The following RNF130 variants were observed in gnomAD, a reference collection of about 807,000 sequenced individuals.
RNF130 encodes E3 ubiquitin-protein ligase RNF130.
A neutral mutation model predicts 44.6 loss-of-function variants in RNF130; 21 were observed. The observed-to-expected ratio is 0.47, with a 90% CI of 0.33 to 0.68. The LOEUF is 0.68. RNF130 is among the 30% of genes least tolerant of loss of function. The pLI is 0.02. For synonymous variants in RNF130, 214 were observed against 210.4 expected, an observed-to-expected ratio of 1.02 and a Z score of -0.15; for missense variants, 479 against 560.6, an observed-to-expected ratio of 0.85 and a Z score of 1.47.
chr5:179,988,205 T>C (rs1159443703), intron 3 of RNF130, among the ~76,000 whole-genome samples: 1 of 152,242 alleles, frequency 6.6e-6, no homozygotes, highest in Non-Finnish European at 1.5e-5. Context: ...CCATTTTCTC[T>C]AGGTTTTCCA....
chr5:179,980,674 G>C (rs896951100), intron 3 of RNF130, among the ~76,000 whole-genome samples: 1 of 152,220 alleles, frequency 6.6e-6, no homozygotes, highest in East Asian at 1.9e-4. Context: ...GCATCATCAA[G>C]TGTGAAGAGA....
At chr5:180,018,962 C>T (rs995192269) in intron 2 of RNF130, among the ~76,000 whole-genome samples, 3 of 152,216 alleles carry the variant, frequency 2.0e-5, no homozygotes, top group African/African-American at 7.2e-5. Flanking sequence ...AGGCACCAGG[C>T]TGCAAGAGGA....
intron 3 of RNF130, among the ~76,000 whole-genome samples, chr5:179,986,234 G>T (rs1762948982): frequency 6.6e-6 from 1 of 152,192 alleles, no homozygotes; most frequent in Non-Finnish European, 1.5e-5. Flanking sequence ...TTCATGAATA[G>T]ATTTTTCTGT....
At chr5:179,921,572 TG>T (rs1403983109) in intron 7 of RNF130, among the ~76,000 whole-genome samples, 1 of 152,064 alleles carries the variant, frequency 6.6e-6, no homozygotes, top group Non-Finnish European at 1.5e-5. Flanking sequence ...CCAAGGCGGG[TG>T]GATCATTTGA....
intron 2 of RNF130, among the ~76,000 whole-genome samples, chr5:180,026,761 A>C (rs982777884): frequency 2.0e-5 from 3 of 152,374 alleles, no homozygotes; most frequent in Non-Finnish European, 2.9e-5. Context: ...CTTAACAACC[A>C]AACTAAATAA....
intron 2 of RNF130, among the ~76,000 whole-genome samples, chr5:180,027,827 G>C (rs1010141762): frequency 1.4e-4 from 21 of 152,318 alleles, no homozygotes; most frequent in African/African-American, 5.1e-4. Context: ...CTAGCTGCTT[G>C]AGACAGCTGC....
intron 6 of RNF130, among the ~76,000 whole-genome samples, chr5:179,968,016 C>T (rs181477804): frequency 6.6e-6 from 1 of 152,228 alleles, no homozygotes; most frequent in Non-Finnish European, 1.5e-5. Flanking sequence ...AACAAACAGG[C>T]TGGGCGCGGT....
At chr5:180,007,490 T>C (rs1242710995) in intron 3 of RNF130, among the ~76,000 whole-genome samples, 1 of 152,224 alleles carries the variant, frequency 6.6e-6, no homozygotes, top group Non-Finnish European at 1.5e-5. Flanking sequence ...ATGGCTTCTC[T>C]TTTAAAATAG....
At chr5:179,920,411 T>A in exon 8 of RNF130, 1 of 702,362 alleles carries the variant, frequency 1.4e-6, no homozygotes, top group Non-Finnish European at 2.6e-6. Context: ...GGAGTTTCGA[T>A]GAAAGAAGTG....
chr5:179,937,989 T>TCACTCTGTC (rs1241891778), intron 7 of RNF130, among the ~76,000 whole-genome samples: 1 of 150,400 alleles, frequency 6.6e-6, no homozygotes, highest in Non-Finnish European at 1.5e-5. Context: ...AGACAGGGTC[T>TCACTCTGTC]CACTCTGTCA....
chr5:179,950,476 T>C (rs1472452498), downstream of RNF130, among the ~76,000 whole-genome samples: 1 of 152,060 alleles, frequency 6.6e-6, no homozygotes. Context: ...AATACATGTT[T>C]AAGGTGCAAA....
chr5:179,983,353 T>G (rs1265709215), intron 3 of RNF130, among the ~76,000 whole-genome samples: 3 of 137,278 alleles, frequency 2.2e-5, no homozygotes, highest in Non-Finnish European at 3.1e-5. Context: ...TTTTTTTTTT[T>G]GCATATGGAC....
intron 1 of RNF130, among the ~76,000 whole-genome samples, chr5:180,063,797 A>G (rs1297638708): frequency 6.6e-6 from 1 of 152,232 alleles, no homozygotes; most frequent in African/African-American, 2.4e-5. Flanking sequence ...AGAAAGACCA[A>G]CGGTACATGG....
At chr5:179,976,639 C>T (rs1762721335) in intron 5 of RNF130, 1 of 151,286 alleles carries the variant, frequency 6.6e-6, no homozygotes, top group Admixed American at 6.6e-5. Flanking sequence ...AATGACTGGA[C>T]TTCCAGAATC....
intron 8 of RNF130, among the ~76,000 whole-genome samples, chr5:179,957,702 G>A (rs1173549267): frequency 2.6e-5 from 4 of 152,024 alleles, no homozygotes; most frequent in African/African-American, 9.7e-5. Context: ...ATTCTTTTGT[G>A]TACATATATC....
chr5:180,022,919 A>C (rs1763905422), intron 2 of RNF130, among the ~76,000 whole-genome samples: 1 of 152,234 alleles, frequency 6.6e-6, no homozygotes, highest in South Asian at 2.1e-4. Flanking sequence ...CGGCATTCTA[A>C]CCAAGGGAGA....
At chr5:179,931,829 C>A (rs775749637) in intron 7 of RNF130, among the ~76,000 whole-genome samples, 29 of 152,012 alleles carry the variant, frequency 1.9e-4, no homozygotes, top group Non-Finnish European at 3.1e-4. Context: ...GTGATTCAGG[C>A]CCCCCAGCAC....
chr5:179,979,508 C>G (rs1762784205), intron 4 of RNF130, among the ~76,000 whole-genome samples: 1 of 151,980 alleles, frequency 6.6e-6, no homozygotes, highest in South Asian at 2.1e-4. Context: ...TTTTGAGATG[C>G]CATTTTCCCA....
At chr5:179,952,703 G>C (rs571183770), downstream of RNF130, among the ~76,000 whole-genome samples, 2 of 152,138 alleles carry the variant, frequency 1.3e-5, no homozygotes, top group Non-Finnish European at 2.9e-5. Flanking sequence ...TCAATGTAAT[G>C]CACCACATTC....
Sources: gnomAD v4.1 joint callset for allele counts (sites outside exome capture counted in the v4.1 genomes callset) on GRCh38, gnomAD v4.1.1 for gene constraint, MANE v1.5 for transcripts, NCBI Gene and HGNC (gene_info 2026-07-23, HGNC 2026-07-21) for gene names.